The following TLL2 variants were observed in gnomAD, a reference collection of about 807,000 sequenced individuals.
TLL2 encodes tolloid like 2.
A neutral mutation model predicts 123.0 loss-of-function variants in TLL2; 106 were observed. The ratio of observed to expected loss-of-function variants is 0.86; its 90% CI spans 0.74 to 1.01. TLL2 has a LOEUF of 1.01. Ranked by LOEUF, TLL2 falls within the 50% of genes least tolerant of loss-of-function variation. The pLI, the probability that TLL2 is intolerant of heterozygous loss-of-function variation, is 0.00. For synonymous variants in TLL2, 494 were observed against 516.8 expected, an observed-to-expected ratio of 0.96 and a Z score of 0.60; for missense variants, 1,332 against 1,336.7, an observed-to-expected ratio of 1.00 and a Z score of 0.06.
intron 18 of TLL2, 24 bp from the exon 19 acceptor site, chr10:96,373,833 A>G: frequency 6.2e-7 from 1 of 1,607,834 alleles, no homozygotes; most frequent in Non-Finnish European, 8.5e-7. Flanking sequence ...AGCAGAAAGT[A>G]AGGCAAGGGC....
intron 9 of TLL2, among the ~76,000 whole-genome samples, chr10:96,409,344 A>G (rs1846479834): frequency 6.6e-6 from 1 of 152,226 alleles, no homozygotes; most frequent in South Asian, 2.1e-4. Flanking sequence ...GAGACATGCT[A>G]TAACAGGTAT....
At chr10:96,397,363 A>T in intron 10 of TLL2, 61 bp from the exon 11 acceptor site, 1 of 1,357,632 alleles carries the variant, frequency 7.4e-7, no homozygotes, top group East Asian at 2.4e-5. Flanking sequence ...CACTGGCTTC[A>T]GGCTAGGAGG....
At chr10:96,449,187 A>G (rs747331740) in intron 2 of TLL2, among the ~76,000 whole-genome samples, 14 of 152,252 alleles carry the variant, frequency 9.2e-5, no homozygotes, top group Non-Finnish European at 1.5e-4. Context: ...CAAAGCTCCA[A>G]GAGGTGAAAT....
At chr10:96,444,284 T>A (rs1374623844) in intron 3 of TLL2, among the ~76,000 whole-genome samples, 4 of 152,224 alleles carry the variant, frequency 2.6e-5, no homozygotes, top group Non-Finnish European at 5.9e-5. Context: ...TCAGTAACGT[T>A]TACTGCAGTC....
chr10:96,378,731 G>T (rs1363510595), intron 17 of TLL2, among the ~76,000 whole-genome samples: 2 of 152,198 alleles, frequency 1.3e-5, no homozygotes, highest in Non-Finnish European at 2.9e-5. Flanking sequence ...TCCAGAGCCT[G>T]CAGGCTTAAT....
intron 2 of TLL2, among the ~76,000 whole-genome samples, chr10:96,450,728 C>T (rs1204735523): frequency 6.6e-6 from 1 of 152,018 alleles, no homozygotes; most frequent in African/African-American, 2.4e-5. Context: ...ACTGCAGCTG[C>T]AGGCACCATA....
At chr10:96,461,563 C>G (rs143516155) in intron 2 of TLL2, among the ~76,000 whole-genome samples, 97 of 152,360 alleles carry the variant, frequency 6.4e-4, no homozygotes, top group African/African-American at 1.7e-3. Context: ...GGACTCTACA[C>G]TTCCTGTGCT....
intron 2 of TLL2, among the ~76,000 whole-genome samples, chr10:96,477,032 CTTTTTTT>C (rs10615764): frequency 1.4e-4 from 15 of 110,842 alleles, no homozygotes; most frequent in African/African-American, 5.1e-4. Context: ...AGCTACTGGA[CTTTTTTT>C]TTTTTTTTTT....
chr10:96,458,920 C>A (rs1415351663), intron 2 of TLL2, among the ~76,000 whole-genome samples: 1 of 152,074 alleles, frequency 6.6e-6, no homozygotes, highest in African/African-American at 2.4e-5. Context: ...CATTACAAGA[C>A]CCTTGTCTCT....
At chr10:96,393,049 G>T (rs1355946950) in intron 13 of TLL2, among the ~76,000 whole-genome samples, 1 of 152,240 alleles carries the variant, frequency 6.6e-6, no homozygotes, top group African/African-American at 2.4e-5. Context: ...TTTGACCATG[G>T]AAGGGGACCA....
intron 13 of TLL2, among the ~76,000 whole-genome samples, chr10:96,393,845 C>T (rs1846312974): frequency 6.6e-6 from 1 of 151,848 alleles, no homozygotes; most frequent in Admixed American, 6.6e-5. Context: ...TTCCCCGATA[C>T]CTCAAAATAG....
chr10:96,486,916 A>T (rs1847361714), intron 1 of TLL2, among the ~76,000 whole-genome samples: 1 of 152,210 alleles, frequency 6.6e-6, no homozygotes, highest in Non-Finnish European at 1.5e-5. Context: ...CCATCTCCTC[A>T]TGTCCAGTGC....
chr10:96,506,064 C>T (rs1847574960), intron 1 of TLL2, among the ~76,000 whole-genome samples: 1 of 151,638 alleles, frequency 6.6e-6, no homozygotes, highest in Non-Finnish European at 1.5e-5. Flanking sequence ...CCAGCCTAGC[C>T]AACCTGGGGA....
At chr10:96,465,347 T>C (rs1397286038) in intron 2 of TLL2, among the ~76,000 whole-genome samples, 6 of 152,212 alleles carry the variant, frequency 3.9e-5, no homozygotes, top group Non-Finnish European at 7.3e-5. Context: ...ACCTCACTGA[T>C]TGACTGGAGC....
intron 3 of TLL2, 109 bp from the exon 4 acceptor site, chr10:96,433,071 C>T: frequency 7.0e-7 from 1 of 1,425,928 alleles, no homozygotes; most frequent in Middle Eastern, 2.2e-4. Flanking sequence ...AAACATGTTC[C>T]AAAGGGGCTA....
At chr10:96,461,658 C>G (rs1847082760) in intron 2 of TLL2, among the ~76,000 whole-genome samples, 1 of 152,236 alleles carries the variant, frequency 6.6e-6, no homozygotes, top group Admixed American at 6.5e-5. Context: ...TGCACTGCAA[C>G]CCTGATGAAA....
intron 10 of TLL2, 97 bp downstream of exon 10, chr10:96,405,135 T>C: frequency 1.8e-6 from 2 of 1,138,248 alleles, no homozygotes; most frequent in Non-Finnish European, 2.6e-6. Flanking sequence ...CTTGAGAGTT[T>C]CCTGTGACCG....
At chr10:96,495,837 CCTT>C (rs1847468597) in intron 1 of TLL2, among the ~76,000 whole-genome samples, 1 of 152,082 alleles carries the variant, frequency 6.6e-6, no homozygotes, top group Non-Finnish European at 1.5e-5. Flanking sequence ...GGGGAGATGG[CCTT>C]CTCCAGGAAT....
intron 16 of TLL2, 74 bp downstream of exon 16, chr10:96,384,513 A>G: frequency 2.2e-6 from 3 of 1,385,812 alleles, no homozygotes; most frequent in Non-Finnish European, 2.9e-6. Flanking sequence ...GGAGGGGGCC[A>G]GGGACCCCAG....
Sources: allele counts gnomAD v4.1 joint callset (sites outside exome capture counted in the v4.1 genomes callset), GRCh38; gene constraint gnomAD v4.1.1; transcripts MANE v1.5; gene names NCBI Gene and HGNC (gene_info 2026-07-23, HGNC 2026-07-21).